The following ACYP2 variants were observed in gnomAD, a reference collection of about 807,000 sequenced individuals.
ACYP2 encodes acylphosphatase 2, also known as acylphosphatase-2.
Under a neutral mutation model 11.2 loss-of-function variants are expected in ACYP2, and 12 were observed. The observed-to-expected ratio is 1.08, with a 90% confidence interval of 0.69 to 1.74. ACYP2 has a LOEUF of 1.74. Among genes scored for constraint, ACYP2 ranks in the 40% most tolerant of loss-of-function variants. ACYP2 has a pLI of 0.00. For missense variants in ACYP2, 134 were observed against 101.9 expected (o/e 1.31, Z -1.35); for synonymous variants, 43 against 32.2 (o/e 1.33, Z -1.13).
chr2:54,170,149 G>A (rs1683163712), intron 6 of ACYP2, among the ~76,000 whole-genome samples: 1 of 152,026 alleles, frequency 6.6e-6, no homozygotes, highest in African/African-American at 2.4e-5. Context: ...GGCTCCAGTT[G>A]TTCATTTCTT....
intron 2 of ACYP2, among the ~76,000 whole-genome samples, chr2:54,021,189 C>T (rs1673991512): frequency 6.6e-6 from 1 of 152,072 alleles, no homozygotes; most frequent in Non-Finnish European, 1.5e-5. Flanking sequence ...AGTAGTTTGG[C>T]ACGAAGGGTG....
At chr2:54,270,801 A>G (rs1444587743) in intron 6 of ACYP2, among the ~76,000 whole-genome samples, 1 of 152,212 alleles carries the variant, frequency 6.6e-6, no homozygotes, top group Non-Finnish European at 1.5e-5. Context: ...AGACTAGAGC[A>G]GCATCATAAG....
intron 4 of ACYP2, among the ~76,000 whole-genome samples, chr2:54,073,130 A>G (rs1021599180): frequency 6.6e-6 from 1 of 152,204 alleles, no homozygotes; most frequent in Non-Finnish European, 1.5e-5. Flanking sequence ...AAGACAATTC[A>G]ATGGGAAAAG....
At chr2:54,146,454 T>TA (rs1681893346) in intron 6 of ACYP2, among the ~76,000 whole-genome samples, 1 of 148,366 alleles carries the variant, frequency 6.7e-6, no homozygotes, top group Non-Finnish European at 1.5e-5. Flanking sequence ...TTTTTTTTTT[T>TA]ATTACAGACT....
chr2:54,108,131 G>A (rs1052004192), intron 4 of ACYP2, among the ~76,000 whole-genome samples: 2 of 152,134 alleles, frequency 1.3e-5, no homozygotes, highest in African/African-American at 4.8e-5. Context: ...ACTCCTCCGC[G>A]ACTGTGCTTA....
At chr2:54,037,306 AG>A (rs1674955049) in intron 2 of ACYP2, among the ~76,000 whole-genome samples, 1 of 151,912 alleles carries the variant, frequency 6.6e-6, no homozygotes, top group Non-Finnish European at 1.5e-5. Flanking sequence ...GTAGAGACGG[AG>A]TTTCACCATG....
At chr2:54,286,773 C>T (rs1261979577) in intron 6 of ACYP2, among the ~76,000 whole-genome samples, 1 of 151,956 alleles carries the variant, frequency 6.6e-6, no homozygotes, top group Admixed American at 6.5e-5. Flanking sequence ...ACATTTTGTG[C>T]TGGTTTGAAA....
intron 4 of ACYP2, among the ~76,000 whole-genome samples, chr2:54,085,542 G>A (rs1016895892): frequency 6.6e-6 from 1 of 152,142 alleles, no homozygotes. Context: ...GGCTTCAGAA[G>A]TTTGGTGATG....
chr2:54,124,538 T>C (rs1680360354), intron 4 of ACYP2, among the ~76,000 whole-genome samples: 1 of 152,192 alleles, frequency 6.6e-6, no homozygotes, highest in Non-Finnish European at 1.5e-5. Flanking sequence ...GCCTTGTTTA[T>C]TTCCATCTAT....
At position 54,075,661 on chromosome 2, in the gene ACYP2, A is replaced by T. The variant is rs1018406339; in HGVS notation, c.277+18301A>T. Among the ~76,000 whole-genome samples the T allele has an allele frequency of 2.6e-5, 4 of 152,074 alleles. No homozygotes were observed. The East Asian group carries it at 7.7e-4, about 29-fold the overall frequency. On this transcript the variant is annotated intron_variant, in intron 4 of 6. Transcript: ENST00000607452. ...AACCCCGTCCCTACTAATAATGCAA[A>T]AATTAGCCAGGTGTGGTGGTGCATG...
intron 2 of ACYP2, among the ~76,000 whole-genome samples, chr2:53,988,481 A>G (rs1672131133): frequency 1.3e-5 from 2 of 151,792 alleles, no homozygotes; most frequent in Non-Finnish European, 2.9e-5. Flanking sequence ...GCTTATTGCA[A>G]CCTCCACCTC....
At chr2:54,089,000 G>A (rs995091925) in intron 4 of ACYP2, among the ~76,000 whole-genome samples, 2 of 152,216 alleles carry the variant, frequency 1.3e-5, no homozygotes, top group African/African-American at 4.8e-5. Flanking sequence ...AAGTAAGAAA[G>A]ATAAGATAGT....
At chr2:54,244,446 C>T (rs1228569230) in intron 6 of ACYP2, among the ~76,000 whole-genome samples, 1 of 152,162 alleles carries the variant, frequency 6.6e-6, no homozygotes, top group Non-Finnish European at 1.5e-5. Context: ...AAGTGATCTG[C>T]CTGCCTCAGC....
chr2:54,079,617 A>G (rs913082792), intron 4 of ACYP2, among the ~76,000 whole-genome samples: 2 of 152,228 alleles, frequency 1.3e-5, no homozygotes, highest in African/African-American at 4.8e-5. Context: ...AGGGATGGAA[A>G]TAAAGGAAAT....
chr2:54,090,197 G>A (rs1464490523), intron 4 of ACYP2, among the ~76,000 whole-genome samples: 8 of 151,604 alleles, frequency 5.3e-5, no homozygotes, highest in East Asian at 1.9e-4. Context: ...TAACTTTGAT[G>A]ATGAGAAAAT....
At chr2:54,090,952 C>G (rs982369481) in intron 4 of ACYP2, among the ~76,000 whole-genome samples, 1 of 152,178 alleles carries the variant, frequency 6.6e-6, no homozygotes, top group Admixed American at 6.5e-5. Context: ...GAATTCTACA[C>G]TAGACATCTT....
intron 3 of ACYP2, among the ~76,000 whole-genome samples, chr2:54,053,592 C>T (rs1026314400): frequency 9.2e-5 from 14 of 152,198 alleles, no homozygotes; most frequent in Admixed American, 9.2e-4. Context: ...CTTGCCTGCC[C>T]CAAAGGGTTA....
At chr2:53,993,959 G>T (rs1166203705) in intron 2 of ACYP2, among the ~76,000 whole-genome samples, 1 of 152,166 alleles carries the variant, frequency 6.6e-6, no homozygotes, top group Non-Finnish European at 1.5e-5. Context: ...GCCGAGGAGG[G>T]TGGATCACCA....
chr2:54,158,571 C>T (rs539386424), intron 6 of ACYP2, among the ~76,000 whole-genome samples: 38 of 152,242 alleles, frequency 2.5e-4, no homozygotes, highest in Admixed American at 2.2e-3. Context: ...GCCTTATTTC[C>T]CTCCCGCTCC....
Sources: allele counts gnomAD v4.1 joint callset (sites outside exome capture counted in the v4.1 genomes callset), GRCh38; gene constraint gnomAD v4.1.1; transcripts MANE v1.5; gene names NCBI Gene and HGNC (gene_info 2026-07-23, HGNC 2026-07-21).